The following SLC4A4 variants were observed in gnomAD, a reference collection of about 807,000 sequenced individuals.
SLC4A4 encodes the protein solute carrier family 4 member 4, also known as electrogenic sodium bicarbonate cotransporter 1.
Under a neutral mutation model 111.5 loss-of-function variants are expected in SLC4A4, and 27 were observed. The ratio of observed to expected loss-of-function variants is 0.24; its 90% confidence interval spans 0.18 to 0.33. The LOEUF is 0.33. Ranked by LOEUF, SLC4A4 falls within the 10% of genes least tolerant of loss-of-function variation. SLC4A4 has a pLI of 1.00. For synonymous variants in SLC4A4, 443 were observed against 463.4 expected (o/e 0.96, Z 0.57); for missense variants, 909 against 1,315.5 (o/e 0.69, Z 4.78).
intron 2 of SLC4A4, among the ~76,000 whole-genome samples, chr4:71,108,658 T>A (rs1743007594): frequency 6.6e-6 from 1 of 152,200 alleles, no homozygotes; most frequent in Non-Finnish European, 1.5e-5. Context: ...TTGAGCTTCT[T>A]GGATGTTTAT....
intron 6 of SLC4A4, among the ~76,000 whole-genome samples, chr4:71,386,636 A>G (rs755974550): frequency 6.6e-6 from 1 of 151,648 alleles, no homozygotes. Flanking sequence ...GTTTTAAGGT[A>G]ATTATTGGTC....
At chr4:71,463,193 G>A (rs941078119) in intron 12 of SLC4A4, among the ~76,000 whole-genome samples, 8 of 152,150 alleles carry the variant, frequency 5.3e-5, no homozygotes, top group African/African-American at 1.7e-4. Context: ...GCTGTCTGCA[G>A]CCTCATAAAT....
intron 1 of SLC4A4, among the ~76,000 whole-genome samples, chr4:71,213,616 T>G (rs145052064): frequency 6.6e-6 from 1 of 152,200 alleles, no homozygotes. Flanking sequence ...CTCCCTGATA[T>G]GGACTGAATG....
intron 1 of SLC4A4, among the ~76,000 whole-genome samples, chr4:71,228,966 C>T (rs746413913): frequency 9.9e-5 from 15 of 152,236 alleles, no homozygotes; most frequent in African/African-American, 1.7e-4. Context: ...AAGTTCTATA[C>T]GATTTTATCA....
intron 1 of SLC4A4, among the ~76,000 whole-genome samples, chr4:71,225,553 C>G (rs1188841442): frequency 1.3e-5 from 2 of 152,150 alleles, no homozygotes; most frequent in African/African-American, 2.4e-5. Flanking sequence ...TTTCAGGAGC[C>G]TCATCCCTGC....
At chr4:71,485,306 C>T (rs1729270388) in intron 14 of SLC4A4, among the ~76,000 whole-genome samples, 1 of 151,674 alleles carries the variant, frequency 6.6e-6, no homozygotes, top group South Asian at 2.1e-4. Flanking sequence ...AAGTATGTTC[C>T]TTCAACACCT....
At chr4:71,458,697 A>G (rs1560526510) in intron 12 of SLC4A4, among the ~76,000 whole-genome samples, 3 of 152,098 alleles carry the variant, frequency 2.0e-5, no homozygotes, top group South Asian at 2.1e-4. Context: ...AGTTGGAACT[A>G]TATCATTTCT....
In SLC4A4 at chr4:71,546,045, T is replaced by G. The variant is rs190099678; in HGVS notation, c.2443-305T>G. Reference sequence around the variant, plus strand: ...GCATATATATCTCCATTGTTCTGATTAGAAAATTGTATACAGATAGGTTAG... The same window carrying G: ...GCATATATATCTCCATTGTTCTGATGAGAAAATTGTATACAGATAGGTTAG... On this transcript the variant is annotated intron_variant, in intron 18 of 25. Transcript: ENST00000264485. Among the ~76,000 whole-genome samples the G allele has an allele frequency of 1.7e-3, 261 of 152,182 alleles. 2 individuals carry two copies. Among genetic ancestry groups the G allele is most frequent in the African/African-American group, 5.8e-3 (243 of 41,562 alleles).
intron 2 of SLC4A4, among the ~76,000 whole-genome samples, chr4:71,136,395 T>C (rs565659391): frequency 7.7e-4 from 117 of 152,314 alleles, no homozygotes; most frequent in Middle Eastern, 6.8e-3. Flanking sequence ...CACCTGCCAC[T>C]TGGAACAGAT....
intron 2 of SLC4A4, among the ~76,000 whole-genome samples, chr4:71,148,278 G>A (rs1270572046): frequency 6.6e-6 from 1 of 152,036 alleles, no homozygotes; most frequent in Non-Finnish European, 1.5e-5. Context: ...ATCTCTCTGG[G>A]CTAAAGTTTT....
chr4:71,220,475 T>A (rs1274202223), intron 1 of SLC4A4, among the ~76,000 whole-genome samples: 1 of 151,950 alleles, frequency 6.6e-6, no homozygotes, highest in Non-Finnish European at 1.5e-5. Context: ...CTAAAGACAT[T>A]AAAAATATAT....
rs145370090 is a variant in SLC4A4, at chr4:71,300,284, G to A, written c.254-39086G>A. 1.6e-3 allele frequency: 340 copies of A among 212,880 alleles called. 1 individual carries two copies. The highest frequency in any genetic ancestry group is 7.5e-3 in the African/African-American group (323 of 43,336). 13.2% of individuals were successfully genotyped at this position (212,880 alleles called of 1,614,324 possible). On this transcript the variant is annotated intron_variant, in intron 3 of 25. Transcript: ENST00000264485. ...AGCGTCTGCCATAGCACGGGCACAC[G>A]GCCAGGCTAATGATGAGCAGCATGG... is the stretch of plus-strand genomic sequence containing the variant.
At chr4:71,275,157 A>T (rs1722981330) in intron 3 of SLC4A4, among the ~76,000 whole-genome samples, 1 of 152,212 alleles carries the variant, frequency 6.6e-6, no homozygotes, top group Non-Finnish European at 1.5e-5. Flanking sequence ...CAAAGGACTC[A>T]GGCACAGGAA....
intron 7 of SLC4A4, among the ~76,000 whole-genome samples, chr4:71,427,809 A>C (rs1293263941): frequency 2.6e-5 from 4 of 152,262 alleles, no homozygotes; most frequent in Middle Eastern, 3.4e-3. Flanking sequence ...AACCATCCAC[A>C]CAGAATCTGA....
chr4:71,084,269 T>C (rs1742082858), intron 1 of SLC4A4, among the ~76,000 whole-genome samples: 1 of 152,078 alleles, frequency 6.6e-6, no homozygotes, highest in South Asian at 2.1e-4. Context: ...AATAATAACT[T>C]GAATTATTTC....
At chr4:71,074,010 G>A (rs975953719) in intron 1 of SLC4A4, among the ~76,000 whole-genome samples, 1 of 151,912 alleles carries the variant, frequency 6.6e-6, no homozygotes, top group Non-Finnish European at 1.5e-5. Context: ...ACTTGAGCCC[G>A]GGAGAGCCAG....
At chr4:71,425,364 G>A (rs1254535669) in intron 7 of SLC4A4, among the ~76,000 whole-genome samples, 1 of 152,126 alleles carries the variant, frequency 6.6e-6, no homozygotes, top group Admixed American at 6.6e-5. Context: ...GTTGTACTAG[G>A]CTTGCTCTTT....
At chr4:71,517,075 AT>A (rs766053176) in intron 16 of SLC4A4, among the ~76,000 whole-genome samples, 1 of 152,068 alleles carries the variant, frequency 6.6e-6, no homozygotes, top group Non-Finnish European at 1.5e-5. Context: ...TTGATATAGT[AT>A]TTTTATGTTG....
chr4:71,347,601 T>C (rs1729439218), intron 4 of SLC4A4, among the ~76,000 whole-genome samples: 1 of 152,142 alleles, frequency 6.6e-6, no homozygotes, highest in African/African-American at 2.4e-5. Context: ...CCTTGGGGGA[T>C]AGGATTTCAA....
Sources: gnomAD v4.1 joint callset for allele counts (sites outside exome capture counted in the v4.1 genomes callset) on GRCh38, gnomAD v4.1.1 for gene constraint, MANE v1.5 for transcripts, NCBI Gene and HGNC (gene_info 2026-07-23, HGNC 2026-07-21) for gene names.